Variants in MEMO1 observed in about 807,000 individuals in gnomAD.
The protein encoded by MEMO1 is protein MEMO1.
A neutral mutation model predicts 45.2 loss-of-function variants in MEMO1; 6 were observed. The ratio of observed to expected loss-of-function variants is 0.13; its 90% CI spans 0.07 to 0.26. MEMO1 has a LOEUF of 0.26. MEMO1 is among the 10% of genes least tolerant of loss of function. The probability of loss-of-function intolerance (pLI) is 1.00; values close to 1 mark genes in which losing one functional copy is unlikely to be tolerated. For missense variants in MEMO1, 184 were observed against 370.5 expected, an observed-to-expected ratio of 0.50 and a Z score of 4.13; for synonymous variants, 78 against 124.3, an observed-to-expected ratio of 0.63 and a Z score of 2.48.
chr2:31,870,213 C>G (rs1022099339), intron 8 of MEMO1, among the ~76,000 whole-genome samples: 2 of 152,094 alleles, frequency 1.3e-5, no homozygotes, highest in Non-Finnish European at 2.9e-5. Flanking sequence ...TTCTATACTA[C>G]TTTAACCAGT....
At chr2:31,935,844 G>C (rs1664858057) in intron 3 of MEMO1, among the ~76,000 whole-genome samples, 1 of 151,472 alleles carries the variant, frequency 6.6e-6, no homozygotes, top group African/African-American at 2.4e-5. Context: ...TAAAGAAACG[G>C]CTAAAGTTTT....
chr2:31,907,004 A>C (rs796197432), intron 6 of MEMO1, among the ~76,000 whole-genome samples: 18 of 152,370 alleles, frequency 1.2e-4, no homozygotes, highest in African/African-American at 4.1e-4. Flanking sequence ...AGCCTTTTAC[A>C]ACTCCTGCAA....
intron 4 of MEMO1, among the ~76,000 whole-genome samples, chr2:31,928,503 C>A (rs952717279): frequency 1.3e-5 from 2 of 148,226 alleles, no homozygotes; most frequent in African/African-American, 2.5e-5. Flanking sequence ...GCCAAGATTG[C>A]GCCACTACAC....
intron 2 of MEMO1, among the ~76,000 whole-genome samples, chr2:31,981,339 G>A (rs955230074): frequency 6.6e-6 from 1 of 152,114 alleles, no homozygotes; most frequent in Admixed American, 6.5e-5. Context: ...CAGCAGTTGG[G>A]ACTTTTATGT....
intron 3 of MEMO1, among the ~76,000 whole-genome samples, chr2:31,937,506 T>C (rs1665055751): frequency 6.6e-6 from 1 of 152,202 alleles, no homozygotes; most frequent in Non-Finnish European, 1.5e-5. Context: ...TCTCATGATA[T>C]CCAGTGGTAG....
intron 2 of MEMO1, among the ~76,000 whole-genome samples, chr2:31,970,156 G>C (rs1416542544): frequency 6.6e-6 from 1 of 151,888 alleles, no homozygotes; most frequent in Non-Finnish European, 1.5e-5. Flanking sequence ...ATTTTTAGTA[G>C]AGATGGGGTT....
chr2:31,952,178 C>T (rs1413207804), intron 2 of MEMO1, among the ~76,000 whole-genome samples: 2 of 152,114 alleles, frequency 1.3e-5, no homozygotes, highest in Non-Finnish European at 1.5e-5. Context: ...ACCGACTGTT[C>T]GCCTTTATAT....
intron 4 of MEMO1, among the ~76,000 whole-genome samples, chr2:31,922,865 A>C (rs1335222502): frequency 1.3e-5 from 2 of 152,044 alleles, no homozygotes; most frequent in Admixed American, 1.3e-4. Context: ...TTCTTTATCT[A>C]GTCTACCACT....
chr2:32,005,130 T>C (rs141860393), intron 2 of MEMO1, among the ~76,000 whole-genome samples: 6 of 152,026 alleles, frequency 3.9e-5, no homozygotes, highest in African/African-American at 1.4e-4. Flanking sequence ...CAATACAACA[T>C]GTATTAATCT....
rs112614208 is a variant in MEMO1 at position 31,977,805 on chromosome 2, T to C, written c.61+32382A>G. 2.9e-3 allele frequency among the ~76,000 whole-genome samples: 444 copies of C among 152,304 alleles called. 4 individuals are homozygous for C. Among genetic ancestry groups the C allele is most frequent in the African/African-American group, 0.01 (420 of 41,570 alleles). ...TCCCAAAATGATGGGATTACAGGCA[T>C]GAGCCACCATGCCCAGCATACCCTT... On this transcript the variant is annotated intron_variant, in intron 2 of 9. Coordinates refer to ENST00000404530, the MANE Select transcript of MEMO1 (RefSeq NM_001301833.4).
At chr2:32,007,184 A>C (rs1572967045) in intron 2 of MEMO1, among the ~76,000 whole-genome samples, 1 of 152,070 alleles carries the variant, frequency 6.6e-6, no homozygotes, top group South Asian at 2.1e-4. Flanking sequence ...GCCCCTGTGT[A>C]CCTTCCATTC....
chr2:31,910,941 T>C (rs910256110), intron 6 of MEMO1, among the ~76,000 whole-genome samples: 4 of 150,966 alleles, frequency 2.6e-5, no homozygotes, highest in African/African-American at 9.7e-5. Context: ...AAAAACAATA[T>C]AAACATATAT....
intron 3 of MEMO1, among the ~76,000 whole-genome samples, chr2:31,940,540 G>T (rs563711372): frequency 2.0e-4 from 30 of 152,082 alleles, no homozygotes; most frequent in Non-Finnish European, 2.4e-4. Flanking sequence ...TTAAAACCAT[G>T]TCTTAAAAAT....
At chr2:31,891,011 G>A (rs1429579339) in intron 7 of MEMO1, among the ~76,000 whole-genome samples, 1 of 152,190 alleles carries the variant, frequency 6.6e-6, no homozygotes, top group African/African-American at 2.4e-5. Flanking sequence ...ATAGAAGCAA[G>A]AGAAGACACC....
chr2:31,948,797 G>C (rs1254527968), intron 2 of MEMO1, among the ~76,000 whole-genome samples: 1 of 152,164 alleles, frequency 6.6e-6, no homozygotes, highest in Non-Finnish European at 1.5e-5. Context: ...TACTTGGAAG[G>C]CTGAGGCAGG....
intron 7 of MEMO1, among the ~76,000 whole-genome samples, chr2:31,891,128 T>G (rs1354464635): frequency 6.6e-6 from 1 of 152,210 alleles, no homozygotes. Context: ...CTCCTGGCTA[T>G]TCTAGCGTTG....
intron 2 of MEMO1, among the ~76,000 whole-genome samples, chr2:31,953,460 T>A (rs1466720346): frequency 1.3e-5 from 2 of 151,664 alleles, no homozygotes; most frequent in Non-Finnish European, 2.9e-5. Context: ...TAAGATTTTT[T>A]TTTTTCTTTT....
intron 2 of MEMO1, among the ~76,000 whole-genome samples, chr2:32,002,260 TATAC>T (rs1469147443): frequency 2.0e-5 from 3 of 146,790 alleles, no homozygotes; most frequent in African/African-American, 7.5e-5. Flanking sequence ...TACGTGTATA[TATAC>T]ATACACATAT....
chr2:31,915,306 T>G (rs556209963), intron 6 of MEMO1, among the ~76,000 whole-genome samples: 1 of 152,300 alleles, frequency 6.6e-6, no homozygotes, highest in African/African-American at 2.4e-5. Flanking sequence ...ACATGAATTG[T>G]CCACCAGAGG....
Sources: gnomAD v4.1 joint callset for allele counts (sites outside exome capture counted in the v4.1 genomes callset) on GRCh38, gnomAD v4.1.1 for gene constraint, MANE v1.5 for transcripts, NCBI Gene and HGNC (gene_info 2026-07-23, HGNC 2026-07-21) for gene names.